Variants in ABI3BP observed in about 807,000 individuals in gnomAD.
The protein encoded by ABI3BP is target of Nesh-SH3.
ABI3BP carries 216 observed loss-of-function variants against 268.6 expected under a neutral mutation model. That is an observed-to-expected ratio of 0.80 (90% CI 0.72 to 0.90). The LOEUF is 0.90. Ranked by LOEUF, ABI3BP falls within the 40% of genes least tolerant of loss-of-function variation. The probability of loss-of-function intolerance (pLI) is 0.00; values close to 1 mark genes in which losing one functional copy is unlikely to be tolerated. For missense variants in ABI3BP, 2,090 were observed against 2,182.4 expected, an observed-to-expected ratio of 0.96 and a Z score of 0.84; for synonymous variants, 730 against 730.0, an observed-to-expected ratio of 1.00 and a Z score of 0.00.
At position 100,775,147 on chromosome 3, in the gene ABI3BP, A is replaced by G; in HGVS notation, c.4462+60T>C. On this transcript the variant is annotated intron_variant, in intron 60 of 67. Coordinates refer to ENST00000471714, the MANE Select transcript of ABI3BP (RefSeq NM_001375547.2). Reference sequence around the variant, plus strand: ...CTGAGACTCACCCATCCCCACCAACATTTAAAATCTTTTGCACCTCACAGC... The same window carrying G: ...CTGAGACTCACCCATCCCCACCAACGTTTAAAATCTTTTGCACCTCACAGC... 6 of 1,575,294 alleles carry G rather than the reference A, an allele frequency of 3.8e-6. No individual in the cohort carries two copies. The South Asian group carries it at 5.9e-5, about 16-fold the overall frequency.
intron 1 of ABI3BP, among the ~76,000 whole-genome samples, chr3:100,944,914 A>C (rs998714612): frequency 6.6e-6 from 1 of 152,062 alleles, no homozygotes; most frequent in Admixed American, 6.6e-5. Context: ...TTTGCTCTCA[A>C]CTCCACTGTG....
chr3:100,854,416 G>T (rs1050160618), intron 14 of ABI3BP, among the ~76,000 whole-genome samples: 1 of 152,216 alleles, frequency 6.6e-6, no homozygotes, highest in South Asian at 2.1e-4. Context: ...AGAGTTCTTT[G>T]AAAAGCTCCC....
At chr3:100,833,266 C>A in intron 29 of ABI3BP, 109 bp from the exon 30 acceptor site, 1 of 984,766 alleles carries the variant, frequency 1.0e-6, no homozygotes, top group Non-Finnish European at 1.5e-6. Context: ...AGCGTTGGTT[C>A]TATAGCCACA....
At chr3:100,964,927 C>T (rs1230823411) in intron 1 of ABI3BP, among the ~76,000 whole-genome samples, 1 of 152,196 alleles carries the variant, frequency 6.6e-6, no homozygotes, top group Non-Finnish European at 1.5e-5. Context: ...TGGAAAATAT[C>T]TGAAGAGCTA....
Position 100,847,623 on chromosome 3 carries a change from C to T in ABI3BP, c.1627G>A (p.Glu543Lys). Reference sequence around the variant, plus strand: ...TTACCCGGTGTTGTCCATGTAGGTTCAGGGCTTTTAGAAATTTTAGGTGTA... The same window carrying T: ...TTACCCGGTGTTGTCCATGTAGGTTTAGGGCTTTTAGAAATTTTAGGTGTA... ...TITPKISKSPEPTWTTPAPGK... is the reference protein window; with the variant it reads ...TITPKISKSPKPTWTTPAPGK... Residue 543 changes from glutamate to lysine, a missense_variant, in exon 19 of 68, where the codon GAA (glutamate) becomes AAA (lysine). Glu to Lys is a moderately conservative substitution (Grantham distance 56). Transcript: ENST00000471714. The T allele has an allele frequency of 1.9e-6, 3 of 1,613,558 alleles. No homozygotes were observed. Among genetic ancestry groups the T allele is most frequent in the Non-Finnish European group, 2.5e-6 (3 of 1,179,520 alleles).
chr3:100,822,465 T>C (rs1439127414), intron 38 of ABI3BP, 124 bp downstream of exon 38: 2 of 761,370 alleles, frequency 2.6e-6, no homozygotes, highest in Non-Finnish European at 4.2e-6. Context: ...GATCTGCTGC[T>C]AACCATGAGT....
At chr3:100,988,398 G>GT in intron 1 of ABI3BP, among the ~76,000 whole-genome samples, 1 of 152,128 alleles carries the variant, frequency 6.6e-6, no homozygotes, top group Non-Finnish European at 1.5e-5. Context: ...ATCTTGTATG[G>GT]TTTTTTTCAG....
intron 14 of ABI3BP, among the ~76,000 whole-genome samples, chr3:100,857,483 T>C (rs1342561942): frequency 6.6e-6 from 1 of 152,228 alleles, no homozygotes; most frequent in Non-Finnish European, 1.5e-5. Flanking sequence ...CTATCCCACC[T>C]TAGATCTCAC....
intron 2 of ABI3BP, among the ~76,000 whole-genome samples, chr3:100,904,075 A>G (rs564737753): frequency 7.2e-5 from 11 of 152,314 alleles, no homozygotes; most frequent in East Asian, 5.8e-4. Flanking sequence ...ATAGAGCAAT[A>G]AACTACCATG....
chr3:100,910,178 A>T (rs1194433688), intron 2 of ABI3BP, among the ~76,000 whole-genome samples: 1 of 152,182 alleles, frequency 6.6e-6, no homozygotes, highest in East Asian at 1.9e-4. Context: ...CAAACGCCAC[A>T]TGTTCTCACT....
At chr3:100,960,444 A>C (rs2078617771) in intron 1 of ABI3BP, among the ~76,000 whole-genome samples, 1 of 152,224 alleles carries the variant, frequency 6.6e-6, no homozygotes, top group Non-Finnish European at 1.5e-5. Context: ...CAACAATAAC[A>C]ACAACAGCTA....
Position 100,828,419 on chromosome 3 carries a change from A to G in ABI3BP, c.2576T>C (p.Ile859Thr), listed in dbSNP as rs1410473459. The stretch of plus-strand genomic sequence containing the variant: ...GAATGTTGTCCCTGGAGCCTCTTTT[A>G]TAGGAGAAACTGGTTCAAAGATTGT... ...PATIFEPVSP[I>T]KEAPGTTFVP... The change falls in exon 34 of 68, where the codon ATA becomes ACA. Residue 859 changes from isoleucine to threonine, a missense_variant. Coordinates refer to ENST00000471714, the MANE Select transcript of ABI3BP (RefSeq NM_001375547.2). 4 of 1,535,376 alleles carry G rather than the reference A, an allele frequency of 2.6e-6. No homozygotes were observed. The highest frequency in any genetic ancestry group is 2.6e-6 in the Non-Finnish European group (3 of 1,146,486).
Position 100,839,552 on chromosome 3 carries a change from G to A in ABI3BP, c.1945+17C>T, listed in dbSNP as rs1033693012. The A allele has an allele frequency of 6.5e-7, 1 of 1,535,726 alleles. No homozygotes were observed. The highest frequency in any genetic ancestry group is 8.7e-7 in the Non-Finnish European group (1 of 1,146,592). On this transcript the variant is annotated intron_variant, in intron 24 of 67. Coordinates refer to ENST00000471714, the MANE Select transcript of ABI3BP (RefSeq NM_001375547.2). ...TACAACCCGTGAAAGCAGCCGTGGT[G>A]GAGGGAGTAGAATTACCAGTTGTGG...
chr3:100,841,955 T>G, intron 21 of ABI3BP, 43 bp downstream of exon 21: 1 of 1,434,392 alleles, frequency 7.0e-7, no homozygotes, highest in Non-Finnish European at 9.5e-7. Flanking sequence ...ATGGAGAGTG[T>G]TAAAGATACT....
intron 4 of ABI3BP, 36 bp downstream of exon 4, chr3:100,898,724 CAT>C (rs1475646619): frequency 6.3e-7 from 1 of 1,593,824 alleles, no homozygotes; most frequent in East Asian, 2.2e-5. Flanking sequence ...TCTTCTAAAG[CAT>C]GTACAGATGC....
intron 57 of ABI3BP, among the ~76,000 whole-genome samples, chr3:100,786,694 T>C (rs2097056887): frequency 6.6e-6 from 1 of 152,200 alleles, no homozygotes; most frequent in African/African-American, 2.4e-5. Flanking sequence ...TACAGCCAGA[T>C]TGCTTATGTC....
chr3:100,963,846 A>T (rs2080160363), intron 1 of ABI3BP, among the ~76,000 whole-genome samples: 1 of 152,152 alleles, frequency 6.6e-6, no homozygotes, highest in African/African-American at 2.4e-5. Context: ...CCAGCCCTGA[A>T]AGTCCTCAGT....
chr3:100,766,192 G>A (rs1158359645), intron 62 of ABI3BP, among the ~76,000 whole-genome samples: 1 of 152,206 alleles, frequency 6.6e-6, no homozygotes, highest in Non-Finnish European at 1.5e-5. Context: ...CAGAGGCAAA[G>A]GAAGACCTGG....
chr3:100,793,253 A>T (rs756924931), intron 54 of ABI3BP, among the ~76,000 whole-genome samples: 1 of 152,016 alleles, frequency 6.6e-6, no homozygotes, highest in Non-Finnish European at 1.5e-5. Flanking sequence ...ACATACAAAC[A>T]CAATCCTCTT....
Sources: allele counts gnomAD v4.1 joint callset (sites outside exome capture counted in the v4.1 genomes callset), GRCh38; gene constraint gnomAD v4.1.1; transcripts MANE v1.5; gene names NCBI Gene and HGNC (gene_info 2026-07-23, HGNC 2026-07-21).